CCDC178: variants seen among roughly 807,000 people sequenced by gnomAD.
The protein encoded by CCDC178 is coiled-coil domain containing 178.
Under a neutral mutation model 117.4 loss-of-function variants are expected in CCDC178, and 126 were observed. That is an observed-to-expected ratio of 1.07 (90% CI 0.93 to 1.24). CCDC178 has a LOEUF of 1.24. CCDC178 is among the 50% of genes most tolerant of loss of function. CCDC178 has a pLI of 0.00. For missense variants in CCDC178, 1,030 were observed against 986.9 expected (o/e 1.04, Z -0.59); for synonymous variants, 283 against 313.4 (o/e 0.90, Z 1.02).
At chr18:33,424,310 A>G (rs376161286) in intron 2 of CCDC178, among the ~76,000 whole-genome samples, 2 of 152,308 alleles carry the variant, frequency 1.3e-5, no homozygotes, top group South Asian at 2.1e-4. Context: ...TTTGAAAAAT[A>G]ACGACTTGCT....
At chr18:33,135,022 G>A (rs2058108958) in intron 20 of CCDC178, among the ~76,000 whole-genome samples, 1 of 151,822 alleles carries the variant, frequency 6.6e-6, no homozygotes, top group Admixed American at 6.6e-5. Context: ...AAAGGGAGCA[G>A]TATTTCAGAA....
chr18:33,232,579 T>C (rs2059380120), intron 15 of CCDC178, among the ~76,000 whole-genome samples: 2 of 152,292 alleles, frequency 1.3e-5, no homozygotes, highest in Admixed American at 1.3e-4. Flanking sequence ...TGTGCATTAT[T>C]AGGAAACATT....
intron 2 of CCDC178, among the ~76,000 whole-genome samples, chr18:33,419,577 AAACT>A (rs1236313255): frequency 9.9e-5 from 15 of 152,220 alleles, no homozygotes; most frequent in Non-Finnish European, 2.1e-4. Context: ...GAACTTGAGC[AAACT>A]AACTAATAAG....
intron 20 of CCDC178, among the ~76,000 whole-genome samples, chr18:33,113,719 C>G (rs1044277007): frequency 6.6e-6 from 1 of 151,980 alleles, no homozygotes; most frequent in South Asian, 2.1e-4. Flanking sequence ...ATGTTTTACT[C>G]CCTCAGAAAC....
chr18:33,291,542 C>T (rs1006817539), intron 12 of CCDC178, among the ~76,000 whole-genome samples: 4 of 152,106 alleles, frequency 2.6e-5, no homozygotes, highest in Non-Finnish European at 4.4e-5. Context: ...ATGTCTTTAA[C>T]TCTAGGTAGG....
At chr18:33,278,457 C>G (rs371990961) in intron 12 of CCDC178, among the ~76,000 whole-genome samples, 1 of 151,520 alleles carries the variant, frequency 6.6e-6, no homozygotes, top group African/African-American at 2.4e-5. Context: ...ATAGAGCCAC[C>G]CTTCTAAAAG....
chr18:33,398,899 T>C (rs2063674791), intron 3 of CCDC178, among the ~76,000 whole-genome samples: 1 of 152,216 alleles, frequency 6.6e-6, no homozygotes. Context: ...AAATATTGTT[T>C]ATGTCTAAAC....
intron 21 of CCDC178, among the ~76,000 whole-genome samples, chr18:33,054,010 C>T (rs1255472095): frequency 6.6e-6 from 1 of 152,000 alleles, no homozygotes; most frequent in East Asian, 1.9e-4. Flanking sequence ...AAACATCATA[C>T]CAGAATGTCC....
intron 20 of CCDC178, among the ~76,000 whole-genome samples, chr18:33,093,142 T>C (rs1224773232): frequency 6.6e-6 from 1 of 152,102 alleles, no homozygotes; most frequent in Non-Finnish European, 1.5e-5. Context: ...TAATGTGTGA[T>C]TCATCAGAGT....
At chr18:33,315,899 T>C (rs1441389188) in intron 11 of CCDC178, among the ~76,000 whole-genome samples, 1 of 152,220 alleles carries the variant, frequency 6.6e-6, no homozygotes, top group African/African-American at 2.4e-5. Flanking sequence ...TCTTGCAAAA[T>C]ATAGTAATTA....
intron 20 of CCDC178, among the ~76,000 whole-genome samples, chr18:33,184,197 T>C (rs2058763501): frequency 6.6e-6 from 1 of 152,110 alleles, no homozygotes; most frequent in African/African-American, 2.4e-5. Context: ...CAAGCACAGA[T>C]TATGTCAAGA....
intron 21 of CCDC178, among the ~76,000 whole-genome samples, chr18:33,062,562 A>G (rs1184559595): frequency 6.6e-6 from 1 of 152,166 alleles, no homozygotes; most frequent in African/African-American, 2.4e-5. Context: ...ATTGTGACGG[A>G]CAGAAAGGTA....
At chr18:33,245,506 A>T in intron 14 of CCDC178, 78 bp from the exon 15 acceptor site, 1 of 1,247,066 alleles carries the variant, frequency 8.0e-7, no homozygotes, top group Non-Finnish European at 1.0e-6. Flanking sequence ...AAAAAGAATA[A>T]GATCATATTT....
chr18:33,016,743 A>G (rs1258689001), intron 21 of CCDC178, among the ~76,000 whole-genome samples: 5 of 152,014 alleles, frequency 3.3e-5, no homozygotes, highest in Admixed American at 3.3e-4. Context: ...TGTAACCACT[A>G]ACAAATTAAC....
At chr18:33,081,817 C>T (rs1195511904) in intron 21 of CCDC178, among the ~76,000 whole-genome samples, 1 of 151,946 alleles carries the variant, frequency 6.6e-6, no homozygotes, top group Non-Finnish European at 1.5e-5. Context: ...TAATGTATTG[C>T]CTGTGTGTGT....
At chr18:33,260,859 T>C (rs2059738652) in intron 14 of CCDC178, among the ~76,000 whole-genome samples, 1 of 152,158 alleles carries the variant, frequency 6.6e-6, no homozygotes, top group African/African-American at 2.4e-5. Context: ...GTCACAAATC[T>C]GGTGAATGTA....
In CCDC178 at chr18:33,119,064, A is replaced by T. The variant is rs149889553; in HGVS notation, c.2239-26154T>A. 1.9e-3 allele frequency among the ~76,000 whole-genome samples: 290 copies of T among 152,358 alleles called. 1 individual carries two copies. Among genetic ancestry groups the T allele is most frequent in the African/African-American group, 6.5e-3 (270 of 41,590 alleles). The stretch of plus-strand genomic sequence containing the variant: ...AAGATGAATTAAAGACTTAAATGTT[A>T]GACCTAAAACCATAAAAACCCTAGA... On this transcript the variant is annotated intron_variant, in intron 20 of 22. Transcript: ENST00000383096.
At chr18:33,247,557 A>G (rs1321818331) in intron 14 of CCDC178, among the ~76,000 whole-genome samples, 3 of 151,940 alleles carry the variant, frequency 2.0e-5, no homozygotes, top group Non-Finnish European at 4.4e-5. Context: ...TTACTCAAAT[A>G]ACACAAAAAA....
chr18:33,091,356 A>T (rs1165909629), intron 21 of CCDC178, among the ~76,000 whole-genome samples: 5 of 3,456 alleles, frequency 1.4e-3, no homozygotes, highest in East Asian at 0.018. Flanking sequence ...TTTTTTTTTG[A>T]GACGGAGTCT....
Sources: gnomAD v4.1 joint callset for allele counts (sites outside exome capture counted in the v4.1 genomes callset) on GRCh38, gnomAD v4.1.1 for gene constraint, MANE v1.5 for transcripts, NCBI Gene and HGNC (gene_info 2026-07-23, HGNC 2026-07-21) for gene names.